The following ERBB4 variants were observed in gnomAD, a reference collection of about 807,000 sequenced individuals.
ERBB4 encodes receptor tyrosine-protein kinase erbB-4.
Under a neutral mutation model 158.0 loss-of-function variants are expected in ERBB4, and 42 were observed. The ratio of observed to expected loss-of-function variants is 0.27; its 90% CI spans 0.21 to 0.34. The LOEUF (loss-of-function observed/expected upper bound fraction) is 0.34. ERBB4 is among the 10% of genes least tolerant of loss of function. ERBB4 has a pLI of 1.00. For synonymous variants in ERBB4, 583 were observed against 558.7 expected, an observed-to-expected ratio of 1.04 and a Z score of -0.61; for missense variants, 1,333 against 1,624.1, an observed-to-expected ratio of 0.82 and a Z score of 3.08.
chr2:212,530,787 A>G (rs1692715010), intron 1 of ERBB4, among the ~76,000 whole-genome samples: 1 of 152,216 alleles, frequency 6.6e-6, no homozygotes, highest in South Asian at 2.1e-4. Flanking sequence ...ACCAGGAGTA[A>G]GTAAAGGTCA....
At chr2:212,250,281 T>TA (rs1200596687) in intron 1 of ERBB4, among the ~76,000 whole-genome samples, 1 of 152,030 alleles carries the variant, frequency 6.6e-6, no homozygotes, top group African/African-American at 2.4e-5. Context: ...TGAATGTTTT[T>TA]ACCTATGAAA....
chr2:212,172,453 A>G (rs537178621), intron 1 of ERBB4, among the ~76,000 whole-genome samples: 11 of 152,340 alleles, frequency 7.2e-5, no homozygotes, highest in African/African-American at 2.6e-4. Context: ...TATTATGAAG[A>G]CACATGCATG....
intron 1 of ERBB4, among the ~76,000 whole-genome samples, chr2:212,144,226 A>G (rs1243028898): frequency 6.6e-6 from 1 of 152,150 alleles, no homozygotes; most frequent in Non-Finnish European, 1.5e-5. Flanking sequence ...ACTCACATTA[A>G]TACACGTATG....
At chr2:211,808,714 C>G (rs1273333540) in intron 3 of ERBB4, among the ~76,000 whole-genome samples, 1 of 152,066 alleles carries the variant, frequency 6.6e-6, no homozygotes, top group East Asian at 1.9e-4. Context: ...TAAATCACTT[C>G]GGGCAGTATG....
At chr2:212,451,982 T>C (rs1427545630) in intron 1 of ERBB4, among the ~76,000 whole-genome samples, 2 of 151,158 alleles carry the variant, frequency 1.3e-5, no homozygotes, top group African/African-American at 4.9e-5. Context: ...ACCTCTTTCC[T>C]ACATTGCATG....
intron 1 of ERBB4, among the ~76,000 whole-genome samples, chr2:212,515,787 T>A (rs1691804923): frequency 6.6e-6 from 1 of 152,022 alleles, no homozygotes; most frequent in African/African-American, 2.4e-5. Context: ...TAATGAACCA[T>A]TAAATACCAA....
At chr2:212,263,472 T>G (rs1349391083) in intron 1 of ERBB4, among the ~76,000 whole-genome samples, 7 of 152,202 alleles carry the variant, frequency 4.6e-5, no homozygotes, top group Admixed American at 2.0e-4. Flanking sequence ...ACAGCAAAAA[T>G]ATTTTCACAG....
At chr2:212,361,296 C>A (rs777123099) in intron 1 of ERBB4, among the ~76,000 whole-genome samples, 2 of 151,578 alleles carry the variant, frequency 1.3e-5, no homozygotes, top group Non-Finnish European at 3.0e-5. Context: ...TGCCTCCATG[C>A]TTTCTTTGTC....
intron 20 of ERBB4, among the ~76,000 whole-genome samples, chr2:211,439,193 G>A (rs940190431): frequency 2.0e-5 from 3 of 152,276 alleles, no homozygotes; most frequent in Admixed American, 2.0e-4. Flanking sequence ...AAGAAAAATA[G>A]CTACTTCCTG....
At chr2:212,490,690 T>G (rs1340683707) in intron 1 of ERBB4, among the ~76,000 whole-genome samples, 1 of 151,840 alleles carries the variant, frequency 6.6e-6, no homozygotes, top group Admixed American at 6.6e-5. Context: ...ACATAAAAAG[T>G]ATCCTAACGG....
chr2:211,980,975 C>T (rs536336691), intron 2 of ERBB4, among the ~76,000 whole-genome samples: 54 of 152,082 alleles, frequency 3.6e-4, no homozygotes, highest in African/African-American at 1.2e-3. Flanking sequence ...CGTGTCATCT[C>T]GATACCGCTC....
At chr2:212,083,924 G>GAAAAA (rs35084075) in intron 2 of ERBB4, among the ~76,000 whole-genome samples, 5 of 143,748 alleles carry the variant, frequency 3.5e-5, no homozygotes, top group Non-Finnish European at 1.5e-5. Context: ...TTGTTCACAG[G>GAAAAA]AAAAAAAAAA....
intron 2 of ERBB4, among the ~76,000 whole-genome samples, chr2:212,118,266 T>C (rs755480630): frequency 6.6e-5 from 10 of 152,198 alleles, no homozygotes; most frequent in Non-Finnish European, 1.5e-4. Flanking sequence ...AGGGAAGGAA[T>C]AGATCAAGAC....
chr2:211,900,111 A>G (rs1348468205), intron 3 of ERBB4, among the ~76,000 whole-genome samples: 2 of 152,154 alleles, frequency 1.3e-5, no homozygotes, highest in Non-Finnish European at 2.9e-5. Context: ...TCAACTTTCC[A>G]TCACAGGCAG....
intron 3 of ERBB4, among the ~76,000 whole-genome samples, chr2:211,808,048 G>A (rs1032553458): frequency 1.3e-5 from 2 of 152,132 alleles, no homozygotes; most frequent in African/African-American, 2.4e-5. Flanking sequence ...TGGATAGATT[G>A]TAAACATTTT....
chr2:212,310,331 A>G (rs886308931), intron 1 of ERBB4, among the ~76,000 whole-genome samples: 2 of 150,800 alleles, frequency 1.3e-5, no homozygotes, highest in Non-Finnish European at 3.0e-5. Context: ...TTATAGCGGC[A>G]TCAGTAGAGA....
At chr2:211,994,481 A>G (rs2082151150) in intron 2 of ERBB4, among the ~76,000 whole-genome samples, 1 of 152,190 alleles carries the variant, frequency 6.6e-6, no homozygotes. Flanking sequence ...GAAATGTTTT[A>G]TCATCTAAAA....
intron 22 of ERBB4, 82 bp from the exon 23 acceptor site, chr2:211,424,383 T>TA: frequency 1.0e-6 from 1 of 953,346 alleles, no homozygotes; most frequent in East Asian, 2.5e-5. Context: ...AGTAAAAGAA[T>TA]ACTCCTTACA....
intron 1 of ERBB4, among the ~76,000 whole-genome samples, chr2:212,504,837 T>C (rs983177340): frequency 2.6e-5 from 4 of 152,164 alleles, no homozygotes; most frequent in African/African-American, 9.7e-5. Context: ...TCCAAGCTAT[T>C]TGAATAGGGA....
Sources: gnomAD v4.1 joint callset for allele counts (sites outside exome capture counted in the v4.1 genomes callset) on GRCh38, gnomAD v4.1.1 for gene constraint, MANE v1.5 for transcripts, NCBI Gene and HGNC (gene_info 2026-07-23, HGNC 2026-07-21) for gene names.